Variants in LRP1B observed in about 807,000 individuals in gnomAD.
The protein encoded by LRP1B is low-density lipoprotein receptor-related protein 1B.
Under a neutral mutation model 556.6 loss-of-function variants are expected in LRP1B, and 217 were observed. The observed-to-expected ratio is 0.39, with a 90% CI of 0.35 to 0.44. The LOEUF (loss-of-function observed/expected upper bound fraction) is 0.44. Among genes scored for constraint, LRP1B ranks in the 20% least tolerant of loss-of-function variants. LRP1B has a pLI of 1.00. For synonymous variants in LRP1B, 2,047 were observed against 1,865.8 expected, an observed-to-expected ratio of 1.10 and a Z score of -2.50; for missense variants, 5,053 against 5,620.8, an observed-to-expected ratio of 0.90 and a Z score of 3.23.
At chr2:141,365,655 C>CTTTTTTTTTTTTTTGGTTTT (rs1553503422) in intron 3 of LRP1B, among the ~76,000 whole-genome samples, 1 of 121,150 alleles carries the variant, frequency 8.3e-6, no homozygotes, top group African/African-American at 3.2e-5. Context: ...GTTTTTGTTG[C>CTTTTTTTTTTTTTTGGTTTT]TTTTTTTTTT....
intron 2 of LRP1B, among the ~76,000 whole-genome samples, chr2:141,734,563 C>A (rs1693395222): frequency 6.6e-6 from 1 of 152,040 alleles, no homozygotes; most frequent in South Asian, 2.1e-4. Context: ...TCTAGCCTGG[C>A]AATTATTTTT....
chr2:141,049,285 A>G, intron 10 of LRP1B, 63 bp from the exon 11 acceptor site: 1 of 1,046,366 alleles, frequency 9.6e-7, no homozygotes. Flanking sequence ...ACACTGCATA[A>G]TGCCACCGTT....
At chr2:141,451,970 T>C (rs1236429347) in intron 3 of LRP1B, among the ~76,000 whole-genome samples, 1 of 152,192 alleles carries the variant, frequency 6.6e-6, no homozygotes, top group East Asian at 1.9e-4. Context: ...ATTATTTACA[T>C]TTCATTTATC....
chr2:140,619,784 A>G (rs1683388503), intron 41 of LRP1B, among the ~76,000 whole-genome samples: 1 of 152,184 alleles, frequency 6.6e-6, no homozygotes, highest in South Asian at 2.1e-4. Flanking sequence ...ATAACATTCC[A>G]TCTTTCTATC....
chr2:141,011,653 C>G (rs1697753506), intron 14 of LRP1B, among the ~76,000 whole-genome samples: 1 of 151,860 alleles, frequency 6.6e-6, no homozygotes, highest in African/African-American at 2.4e-5. Flanking sequence ...ACTCAGTAAA[C>G]AAAACATTAT....
At chr2:141,261,782 C>T (rs1367526673) in intron 3 of LRP1B, among the ~76,000 whole-genome samples, 2 of 152,058 alleles carry the variant, frequency 1.3e-5, no homozygotes. Flanking sequence ...TTTGTTCATT[C>T]ATTTCACAAG....
At chr2:141,662,666 C>T (rs184601772) in intron 2 of LRP1B, among the ~76,000 whole-genome samples, 209 of 152,030 alleles carry the variant, frequency 1.4e-3, no homozygotes, top group African/African-American at 4.8e-3. Flanking sequence ...ACAGGAGCAC[C>T]GAGATTCATA....
At chr2:140,242,404 T>C (rs1018120928) in intron 87 of LRP1B, among the ~76,000 whole-genome samples, 1 of 151,174 alleles carries the variant, frequency 6.6e-6, no homozygotes, top group East Asian at 1.9e-4. Flanking sequence ...CTCCTTGTTC[T>C]GCAAATAGTG....
intron 1 of LRP1B, among the ~76,000 whole-genome samples, chr2:141,850,537 A>G (rs1233347888): frequency 6.6e-6 from 1 of 150,838 alleles, no homozygotes; most frequent in Non-Finnish European, 1.5e-5. Context: ...TAGCATATAT[A>G]TACATTCCTA....
intron 41 of LRP1B, among the ~76,000 whole-genome samples, chr2:140,663,538 A>G (rs959116688): frequency 6.6e-6 from 1 of 152,178 alleles, no homozygotes; most frequent in Non-Finnish European, 1.5e-5. Context: ...TGCTAGCTCA[A>G]ACTTAACTTT....
Position 141,577,616 on chromosome 2 carries a change from G to A in LRP1B, c.206-97083C>T, listed in dbSNP as rs141443994. On this transcript the variant is annotated intron_variant, in intron 2 of 90. Transcript: ENST00000389484. Reference sequence around the variant, plus strand: ...CTGGCAGGCATTTGTAGAGATCCCCGCTAAAGCCCCCTTCAGCTATAGGAT... The same window carrying A: ...CTGGCAGGCATTTGTAGAGATCCCCACTAAAGCCCCCTTCAGCTATAGGAT... Among the ~76,000 whole-genome samples the A allele has an allele frequency of 2.6e-3, 395 of 152,180 alleles. 2 individuals are homozygous for A. The highest frequency in any genetic ancestry group is 9.1e-3 in the African/African-American group (377 of 41,516).
chr2:141,354,417 A>G (rs1488398661), intron 3 of LRP1B, among the ~76,000 whole-genome samples: 7 of 152,102 alleles, frequency 4.6e-5, no homozygotes, highest in Non-Finnish European at 1.0e-4. Flanking sequence ...TAAAAGTATT[A>G]TTAACTATTT....
chr2:141,235,349 G>C (rs1683612841), intron 5 of LRP1B, among the ~76,000 whole-genome samples: 1 of 152,026 alleles, frequency 6.6e-6, no homozygotes, highest in Non-Finnish European at 1.5e-5. Context: ...CAATCAAGTA[G>C]AAAGTTTAAG....
chr2:141,459,458 C>A (rs970189264), intron 3 of LRP1B, among the ~76,000 whole-genome samples: 5 of 152,120 alleles, frequency 3.3e-5, no homozygotes, highest in African/African-American at 1.2e-4. Flanking sequence ...GTTCCTGAGT[C>A]TAACCATGAA....
intron 1 of LRP1B, among the ~76,000 whole-genome samples, chr2:142,024,237 C>T (rs1226592403): frequency 6.6e-6 from 1 of 152,198 alleles, no homozygotes; most frequent in African/African-American, 2.4e-5. Flanking sequence ...GATGTCTGTA[C>T]ATCTGATCCA....
At chr2:141,920,256 T>A (rs1209752154) in intron 1 of LRP1B, among the ~76,000 whole-genome samples, 2 of 132,246 alleles carry the variant, frequency 1.5e-5, no homozygotes, top group African/African-American at 5.6e-5. Context: ...GATCTCTGTT[T>A]CAATTTTTTT....
chr2:141,610,565 C>T lies in LRP1B; in HGVS notation c.206-130032G>A, dbSNP rs144045129. On this transcript the variant is annotated intron_variant, in intron 2 of 90. Coordinates refer to ENST00000389484, the MANE Select transcript of LRP1B (RefSeq NM_018557.3). The stretch of plus-strand genomic sequence containing the variant: ...TACTTTCCCTGAGAACCTCCCCTGC[C>T]CTTTCTACCATAAGGTACCCCTCAT... Among the ~76,000 whole-genome samples, 7 of 152,204 alleles carry T rather than the reference C, an allele frequency of 4.6e-5. No homozygotes were observed. The East Asian group carries it at 9.7e-4, about 21-fold the overall frequency.
In LRP1B at chr2:140,692,251, T is replaced by C. The variant is rs146484305; in HGVS notation, c.6799+7999A>G. Among the ~76,000 whole-genome samples, 1,456 of 152,256 alleles carry C rather than the reference T, an allele frequency of 9.6e-3. 8 individuals carry two copies. Among genetic ancestry groups the C allele is most frequent in the Middle Eastern group, 0.031 (9 of 294 alleles). The stretch of plus-strand genomic sequence containing the variant: ...TTTCAATATCACATCAACCATATCA[T>C]TTGAGAATATTTTTATTGTGTTGTA... On this transcript the variant is annotated intron_variant, in intron 41 of 90. Coordinates refer to ENST00000389484, the MANE Select transcript of LRP1B (RefSeq NM_018557.3).
intron 23 of LRP1B, among the ~76,000 whole-genome samples, chr2:140,900,284 A>G (rs995264086): frequency 6.6e-6 from 1 of 152,220 alleles, no homozygotes; most frequent in African/African-American, 2.4e-5. Context: ...TCTGTATCCA[A>G]AACAAACATC....
Sources: allele counts gnomAD v4.1 joint callset (sites outside exome capture counted in the v4.1 genomes callset), GRCh38; gene constraint gnomAD v4.1.1; transcripts MANE v1.5; gene names NCBI Gene and HGNC (gene_info 2026-07-23, HGNC 2026-07-21).